Variants in ZNF385D observed in about 807,000 individuals in gnomAD.
ZNF385D encodes the protein zinc finger protein 385D.
Under a neutral mutation model 35.8 loss-of-function variants are expected in ZNF385D, and 15 were observed. That is an observed-to-expected ratio of 0.42 (90% CI 0.28 to 0.64). The LOEUF (loss-of-function observed/expected upper bound fraction) is 0.64, where lower values mean the gene tolerates loss of function less well. Among genes scored for constraint, ZNF385D ranks in the 30% least tolerant of loss-of-function variants. ZNF385D has a pLI of 0.23. For synonymous variants in ZNF385D, 212 were observed against 186.8 expected (o/e 1.13, Z -1.10); for missense variants, 474 against 494.6 (o/e 0.96, Z 0.39).
At chr3:21,550,416 A>G (rs1295609533) in intron 3 of ZNF385D, among the ~76,000 whole-genome samples, 1 of 152,202 alleles carries the variant, frequency 6.6e-6, no homozygotes, top group Non-Finnish European at 1.5e-5. Flanking sequence ...TGTTAAGACT[A>G]AGAGATATGA....
chr3:21,776,030 T>G (rs1331886286), intron 3 of ZNF385D, among the ~76,000 whole-genome samples: 2 of 151,852 alleles, frequency 1.3e-5, no homozygotes, highest in African/African-American at 4.8e-5. Context: ...TAAAATTTTA[T>G]AGTATTTCTT....
chr3:21,850,317 C>T (rs1256880178), intron 3 of ZNF385D, among the ~76,000 whole-genome samples: 1 of 151,984 alleles, frequency 6.6e-6, no homozygotes, highest in East Asian at 1.9e-4. Context: ...ATTATGATCC[C>T]TGAGACAAAG....
intron 3 of ZNF385D, among the ~76,000 whole-genome samples, chr3:22,073,584 T>C (rs952809152): frequency 6.6e-6 from 1 of 151,980 alleles, no homozygotes; most frequent in African/African-American, 2.4e-5. Flanking sequence ...TCTAGCCTCA[T>C]TTATGCCATG....
At chr3:21,753,981 C>T (rs1575593122), upstream of ZNF385D, among the ~76,000 whole-genome samples, 1 of 152,070 alleles carries the variant, frequency 6.6e-6, no homozygotes, top group African/African-American at 2.4e-5. Flanking sequence ...ACAACAATGT[C>T]CTCCAGGTTT....
intron 3 of ZNF385D, among the ~76,000 whole-genome samples, chr3:21,760,235 G>A (rs2070541155): frequency 1.3e-5 from 2 of 152,250 alleles, no homozygotes; most frequent in East Asian, 1.9e-4. Context: ...CTGGAAATCT[G>A]CAGTATTCGC....
chr3:21,862,938 A>G (rs1697137913), intron 3 of ZNF385D, among the ~76,000 whole-genome samples: 1 of 151,656 alleles, frequency 6.6e-6, no homozygotes, highest in South Asian at 2.1e-4. Flanking sequence ...CCTACATCCC[A>G]CTCCACTTGA....
chr3:21,537,015 T>G (rs1261656480), intron 3 of ZNF385D, among the ~76,000 whole-genome samples: 2 of 151,906 alleles, frequency 1.3e-5, no homozygotes, highest in East Asian at 3.9e-4. Context: ...GAAGCAAAAT[T>G]TCAGGGACAC....
chr3:21,925,467 G>C (rs1444515214), intron 3 of ZNF385D, among the ~76,000 whole-genome samples: 1 of 152,090 alleles, frequency 6.6e-6, no homozygotes, highest in Non-Finnish European at 1.5e-5. Context: ...ACAAAAATTA[G>C]CTCAAAATGA....
At chr3:21,675,422 T>G (rs2066695644) in intron 1 of ZNF385D, among the ~76,000 whole-genome samples, 1 of 152,062 alleles carries the variant, frequency 6.6e-6, no homozygotes, top group Admixed American at 6.6e-5. Context: ...GATCTTTTAA[T>G]AGTCTAGTGA....
chr3:22,262,548 G>C lies in ZNF385D; in HGVS notation c.107-93513C>G, dbSNP rs557294931. Among the ~76,000 whole-genome samples, 4 of 151,986 alleles carry C rather than the reference G, an allele frequency of 2.6e-5. No individual in the cohort carries two copies. In the South Asian group the frequency reaches 6.2e-4, roughly 24 times the overall value. On this transcript the variant is annotated intron_variant, in intron 2 of 5. Transcript: ENST00000494108. ...ATATTTATTTTCTATGTGTTACAAAGTATAATAGCATATGTTTCATGTCGT... is the reference window on the plus strand; with the variant it reads ...ATATTTATTTTCTATGTGTTACAAACTATAATAGCATATGTTTCATGTCGT...
chr3:21,489,609 G>A (rs559061155), intron 4 of ZNF385D, among the ~76,000 whole-genome samples: 1 of 152,214 alleles, frequency 6.6e-6, no homozygotes, highest in Admixed American at 6.5e-5. Flanking sequence ...ACCAATTGAT[G>A]CAGTCATTTC....
At chr3:21,805,413 T>C (rs2072597211) in intron 3 of ZNF385D, among the ~76,000 whole-genome samples, 1 of 152,186 alleles carries the variant, frequency 6.6e-6, no homozygotes, top group Non-Finnish European at 1.5e-5. Context: ...TAAAAATGAA[T>C]GCTGTTTATC....
chr3:22,049,587 C>T (rs1266923891), intron 3 of ZNF385D, among the ~76,000 whole-genome samples: 3 of 152,136 alleles, frequency 2.0e-5, no homozygotes, highest in African/African-American at 4.8e-5. Context: ...ACATCTTTGC[C>T]TGCTTCCTAA....
intron 2 of ZNF385D, among the ~76,000 whole-genome samples, chr3:21,600,443 C>T (rs1007486344): frequency 6.6e-6 from 1 of 152,092 alleles, no homozygotes; most frequent in African/African-American, 2.4e-5. Context: ...TAAACGATGC[C>T]TCTCAATAAC....
chr3:22,228,077 G>A (rs936283341), intron 2 of ZNF385D, among the ~76,000 whole-genome samples: 2 of 152,176 alleles, frequency 1.3e-5, no homozygotes, highest in Admixed American at 6.5e-5. Flanking sequence ...CAGCGGAGAC[G>A]GTGGTGATTG....
chr3:21,884,029 C>T (rs1332061735), intron 3 of ZNF385D, among the ~76,000 whole-genome samples: 1 of 151,946 alleles, frequency 6.6e-6, no homozygotes, highest in Admixed American at 6.6e-5. Context: ...GCTTTTAGAG[C>T]TGACATGTAG....
intron 3 of ZNF385D, among the ~76,000 whole-genome samples, chr3:22,153,732 G>A (rs1705412701): frequency 6.6e-6 from 1 of 151,972 alleles, no homozygotes; most frequent in African/African-American, 2.4e-5. Flanking sequence ...CCAAAGTGCT[G>A]GCATTAATCC....
At chr3:22,097,069 G>C (rs750123115) in intron 3 of ZNF385D, among the ~76,000 whole-genome samples, 4 of 151,892 alleles carry the variant, frequency 2.6e-5, no homozygotes, top group Non-Finnish European at 5.9e-5. Context: ...GCATTATCTT[G>C]TCAGCTATGT....
intron 3 of ZNF385D, among the ~76,000 whole-genome samples, chr3:22,017,066 A>T (rs550027825): frequency 1.3e-5 from 2 of 152,104 alleles, no homozygotes; most frequent in Non-Finnish European, 2.9e-5. Context: ...ATGTTATGTT[A>T]TAAACATAAA....
Sources: gnomAD v4.1 joint callset for allele counts (sites outside exome capture counted in the v4.1 genomes callset) on GRCh38, gnomAD v4.1.1 for gene constraint, MANE v1.5 for transcripts, NCBI Gene and HGNC (gene_info 2026-07-23, HGNC 2026-07-21) for gene names.